WFDC1: variants seen among roughly 807,000 people sequenced by gnomAD.
The protein encoded by WFDC1 is WAP four-disulfide core domain 1.
Under a neutral mutation model 32.9 loss-of-function variants are expected in WFDC1, and 39 were observed. The ratio of observed to expected loss-of-function variants is 1.19; its 90% CI spans 0.92 to 1.55. The LOEUF (loss-of-function observed/expected upper bound fraction) is 1.55, where lower values mean the gene tolerates loss of function less well. WFDC1 is among the 40% of genes most tolerant of loss of function. WFDC1 has a pLI of 0.00. For missense variants in WFDC1, 386 were observed against 309.5 expected (o/e 1.25, Z -1.85); for synonymous variants, 184 against 137.4 (o/e 1.34, Z -2.37).
intron 1 of WFDC1, among the ~76,000 whole-genome samples, chr16:84,305,508 A>G (rs372684452): frequency 1.3e-5 from 2 of 152,216 alleles, no homozygotes; most frequent in East Asian, 3.8e-4. Context: ...TCGTACGTGT[A>G]TCTGCAGCCT....
At chr16:84,315,824 C>G (rs868830895) in intron 2 of WFDC1, among the ~76,000 whole-genome samples, 1 of 152,144 alleles carries the variant, frequency 6.6e-6, no homozygotes, top group Non-Finnish European at 1.5e-5. Flanking sequence ...TCTTCATTGC[C>G]ATCTGGATTT....
chr16:84,320,863 A>G (rs1048397054), intron 4 of WFDC1, among the ~76,000 whole-genome samples: 15 of 95,230 alleles, frequency 1.6e-4, no homozygotes, highest in South Asian at 7.4e-4. Flanking sequence ...ATCTGCCAAA[A>G]CCTCTTTTTT....
chr16:84,315,713 C>G (rs1907908979), intron 2 of WFDC1, among the ~76,000 whole-genome samples: 1 of 152,188 alleles, frequency 6.6e-6, no homozygotes, highest in Non-Finnish European at 1.5e-5. Flanking sequence ...TTGTGACAAC[C>G]AAAAATGTCT....
chr16:84,326,031 C>T (rs994347470), intron 5 of WFDC1: 1 of 5,850 alleles, frequency 1.7e-4, no homozygotes, highest in African/African-American at 1.9e-4. Flanking sequence ...TCTATCTATT[C>T]AGCCATCCAG....
In WFDC1 at chr16:84,294,969, GA is replaced by G; in HGVS notation, c.1del. Reference sequence around the variant, plus strand: ...GTCTGGAAGGTCGCTGCCCAGGGAGGAAATGCCTTTAACCGGCGTGGGGCCG... The same window carrying G: ...GTCTGGAAGGTCGCTGCCCAGGGAGGAATGCCTTTAACCGGCGTGGGGCCG... On this transcript the variant is annotated 5_prime_UTR_variant, in exon 1 of 7. Coordinates refer to ENST00000219454, the MANE Select transcript of WFDC1 (RefSeq NM_021197.4). The G allele has an allele frequency of 6.2e-7, 1 of 1,611,570 alleles. No homozygotes were observed.
At chr16:84,317,340 G>T (rs995075345) in intron 2 of WFDC1, 2 of 121,780 alleles carry the variant, frequency 1.6e-5, no homozygotes, top group Non-Finnish European at 3.4e-5. Context: ...AAATAAATAA[G>T]AAGTAAATAA....
intron 1 of WFDC1, among the ~76,000 whole-genome samples, chr16:84,309,392 G>A (rs569609262): frequency 5.9e-5 from 9 of 152,288 alleles, no homozygotes; most frequent in African/African-American, 2.2e-4. Flanking sequence ...CAAATCCACA[G>A]GTGCCTTTCA....
In WFDC1 at chr16:84,325,863, C is replaced by T. The variant is rs529263258; in HGVS notation, c.605-1019C>T. The T allele has an allele frequency of 2.6e-5, 4 of 152,262 alleles. No individual in the cohort carries two copies. The East Asian group carries it at 5.8e-4, about 22-fold the overall frequency. The allele number at this position is 152,262 out of a possible 1,614,324, so 9.4% of individuals were successfully genotyped here. ...CCGTACATCCATTCACCCAACCATC[C>T]ATCCATCTGCCCATTCATCCATTCA... On this transcript the variant is annotated intron_variant, in intron 5 of 6. Transcript: ENST00000219454.
Position 84,311,664 on chromosome 16 carries a change from G to A in WFDC1, c.145-1297G>A, listed in dbSNP as rs111527354. On this transcript the variant is annotated intron_variant, in intron 1 of 6. Transcript: ENST00000219454. ...CCGCCTCAGCCTCCCAAGTACCTGGGACTACAGGAGAGAATGAGCATGCCT... is the reference window on the plus strand; with the variant it reads ...CCGCCTCAGCCTCCCAAGTACCTGGAACTACAGGAGAGAATGAGCATGCCT... Among the ~76,000 whole-genome samples the A allele has an allele frequency of 2.1e-3, 305 of 143,092 alleles. 1 individual carries two copies. The highest frequency in any genetic ancestry group is 7.5e-3 in the African/African-American group (292 of 38,696). The allele number at this position is 143,092 out of a possible 152,430, so 93.9% of individuals were successfully genotyped here.
intron 2 of WFDC1, among the ~76,000 whole-genome samples, chr16:84,314,960 C>G (rs1334429986): frequency 6.6e-6 from 1 of 152,272 alleles, no homozygotes; most frequent in African/African-American, 2.4e-5. Flanking sequence ...GCTCACACAG[C>G]TTGATGAGAT....
chr16:84,317,293 AAAATAAAT>A (rs57299684), intron 2 of WFDC1: 51,738 of 143,732 alleles, frequency 0.36, 9,784 homozygotes, highest in Middle Eastern at 0.44. Flanking sequence ...ACTCTGTCTC[AAAATAAAT>A]AAATAAATAA....
intron 6 of WFDC1, chr16:84,327,261 G>A: frequency 3.1e-6 from 1 of 321,294 alleles, no homozygotes; most frequent in Non-Finnish European, 5.9e-6. Flanking sequence ...CACAATCATT[G>A]TTCACTGCAG....
intron 1 of WFDC1, among the ~76,000 whole-genome samples, chr16:84,305,122 A>C (rs951708568): frequency 6.6e-6 from 1 of 152,246 alleles, no homozygotes; most frequent in African/African-American, 2.4e-5. Flanking sequence ...GAATAGCAGC[A>C]GCCCCAGAGG....
intron 6 of WFDC1, 42 bp downstream of exon 6, chr16:84,326,997 G>A (rs1908644136): frequency 6.2e-7 from 1 of 1,603,346 alleles, no homozygotes; most frequent in South Asian, 1.1e-5. Context: ...GGGTAAATGT[G>A]GGCAGCCAGT....
chr16:84,296,499 C>T (rs775273213), intron 1 of WFDC1, among the ~76,000 whole-genome samples: 27 of 152,008 alleles, frequency 1.8e-4, no homozygotes, highest in Non-Finnish European at 3.4e-4. Flanking sequence ...GGACCTGTGG[C>T]TTTAAAGGAT....
intron 1 of WFDC1, among the ~76,000 whole-genome samples, chr16:84,298,129 A>G (rs1906719400): frequency 6.6e-6 from 1 of 152,156 alleles, no homozygotes; most frequent in Admixed American, 6.5e-5. Context: ...ATTAAAAAGA[A>G]AGGAAAGAAT....
intron 4 of WFDC1, 110 bp from the exon 5 acceptor site, chr16:84,324,309 A>G: frequency 1.1e-6 from 1 of 926,772 alleles, no homozygotes; most frequent in Non-Finnish European, 1.7e-6. Flanking sequence ...ATTGTACACT[A>G]GTGAGATGGG....
Position 84,313,059 on chromosome 16 carries a change from G to A in WFDC1, c.243G>A (p.Ala81=), listed in dbSNP as rs1383105507. Residue 81 remains alanine, a synonymous_variant, in exon 2 of 7, where the codon GCG becomes GCA. Coordinates refer to ENST00000219454, the MANE Select transcript of WFDC1 (RefSeq NM_021197.4). ...TGCCCCCCGGCGCCTGCCAGGCCGC[G>A]CGCTGTCAGGCGGACTCCGAGTGCC... ...RTLPPGACQA[A]RCQADSECPR... 2.9e-6 allele frequency: 4 copies of A among 1,396,414 alleles called. No individual in the cohort carries two copies. The highest frequency in any genetic ancestry group is 3.1e-5 in the South Asian group (2 of 64,912). The allele number at this position is 1,396,414 out of a possible 1,614,324, so 86.5% of individuals were successfully genotyped here. A position where few individuals can be genotyped will look rare whatever the true frequency, so the allele number is the denominator to read the frequency against.
chr16:84,327,870 T>C (rs3785053), intron 6 of WFDC1: 3 of 151,938 alleles, frequency 2.0e-5, no homozygotes, highest in Non-Finnish European at 4.4e-5. Context: ...CAGGGTGGTA[T>C]AGTGAACAAA....
Sources: gnomAD v4.1 joint callset for allele counts (sites outside exome capture counted in the v4.1 genomes callset) on GRCh38, gnomAD v4.1.1 for gene constraint, MANE v1.5 for transcripts, NCBI Gene and HGNC (gene_info 2026-07-23, HGNC 2026-07-21) for gene names.